The following CNDP1 variants were observed in gnomAD, a reference collection of about 807,000 sequenced individuals.
CNDP1 encodes beta-Ala-His dipeptidase.
CNDP1 carries 44 observed loss-of-function variants against 58.1 expected under a neutral mutation model. The observed-to-expected ratio is 0.76, with a 90% CI of 0.60 to 0.97. The LOEUF (loss-of-function observed/expected upper bound fraction) is 0.97. CNDP1 is among the 50% of genes least tolerant of loss of function. The pLI is 0.00. For missense variants in CNDP1, 616 were observed against 655.1 expected (o/e 0.94, Z 0.65); for synonymous variants, 254 against 252.6 (o/e 1.01, Z -0.05).
At position 74,576,925 on chromosome 18, in the gene CNDP1, G is replaced by T; in HGVS notation, c.898G>T (p.Val300Phe). ...GGTCCCTGGAATCTATGATGAAGTG[G>T]TTCCTCTTACAGAAGAGGAAATAAA... ...ILVPGIYDEVVPLTEEEINTY... is the reference protein window; with the variant it reads ...ILVPGIYDEVFPLTEEEINTY... The change falls in exon 8 of 12, where the codon GTT becomes TTT. Residue 300 changes from valine to phenylalanine, a missense_variant. Transcript: ENST00000358821. The T allele has an allele frequency of 6.2e-7, 1 of 1,612,626 alleles. No homozygotes were observed. The highest frequency in any genetic ancestry group is 8.5e-7 in the Non-Finnish European group (1 of 1,178,974).
At chr18:74,560,195 T>C (rs1981152039) in intron 3 of CNDP1, among the ~76,000 whole-genome samples, 2 of 152,030 alleles carry the variant, frequency 1.3e-5, no homozygotes, top group African/African-American at 4.8e-5. Context: ...TTTGTATTTT[T>C]ATTAGACACA....
intron 5 of CNDP1, among the ~76,000 whole-genome samples, chr18:74,566,434 C>T (rs1981329678): frequency 6.6e-6 from 1 of 152,164 alleles, no homozygotes; most frequent in Non-Finnish European, 1.5e-5. Context: ...AAACTGAATC[C>T]CTTTAACAGT....
chr18:74,563,315 T>G (rs1397654113), intron 5 of CNDP1, among the ~76,000 whole-genome samples: 1 of 152,010 alleles, frequency 6.6e-6, no homozygotes, highest in East Asian at 1.9e-4. Context: ...GCCCTGAGCA[T>G]TCGATGTGGC....
chr18:74,534,784 C>A, intron 1 of CNDP1, 93 bp downstream of exon 1: 1 of 1,464,674 alleles, frequency 6.8e-7, no homozygotes, highest in Non-Finnish European at 9.6e-7. Flanking sequence ...TTGGGCAGGG[C>A]AGGCACCCAG....
rs759234376 is a variant in CNDP1, at chr18:74,567,451, T to G, written c.756+18T>G. ...TGGTGGAGGTATCCACAGAGAGCAG[T>G]GCATGGATGGAGGCCTGTGGGGGTT... On this transcript the variant is annotated intron_variant, in intron 6 of 11. Transcript: ENST00000358821. The G allele has an allele frequency of 2.5e-6, 4 of 1,600,620 alleles. No individual in the cohort carries two copies. Among genetic ancestry groups the G allele is most frequent in the Non-Finnish European group, 3.4e-6 (4 of 1,167,936 alleles).
intron 8 of CNDP1, chr18:74,577,917 C>A (rs1365940160): frequency 1.6e-5 from 6 of 370,538 alleles, no homozygotes; most frequent in Non-Finnish European, 2.9e-5. Flanking sequence ...CTGAAAACTG[C>A]AGATCTTGGG....
At chr18:74,579,198 C>T (rs114460730) in intron 9 of CNDP1, among the ~76,000 whole-genome samples, 20 of 110,358 alleles carry the variant, frequency 1.8e-4, no homozygotes, top group South Asian at 5.6e-4. Flanking sequence ...TCCTTCCCTT[C>T]CCTTGCCTTC....
At chr18:74,577,688 T>C (rs547804964) in intron 8 of CNDP1, 1 of 153,354 alleles carries the variant, frequency 6.5e-6, no homozygotes, top group African/African-American at 2.4e-5. Flanking sequence ...GCAGACCAGC[T>C]CCAGGATGGC....
At chr18:74,553,365 AT>A (rs560491885) in intron 1 of CNDP1, among the ~76,000 whole-genome samples, 74 of 151,102 alleles carry the variant, frequency 4.9e-4, no homozygotes, top group East Asian at 3.3e-3. Flanking sequence ...ATTTACAGCT[AT>A]TTTTTTTTAA....
intron 5 of CNDP1, among the ~76,000 whole-genome samples, chr18:74,566,890 C>T (rs1435193182): frequency 6.6e-6 from 1 of 152,074 alleles, no homozygotes; most frequent in African/African-American, 2.4e-5. Context: ...AAGACATACC[C>T]AAGACTGGGA....
intron 1 of CNDP1, among the ~76,000 whole-genome samples, chr18:74,553,298 G>A (rs1980955556): frequency 6.6e-6 from 1 of 151,972 alleles, no homozygotes; most frequent in Non-Finnish European, 1.5e-5. Context: ...CCAATTTATC[G>A]ATCCTGTCTT....
At chr18:74,582,399 C>A (rs1306060864) in intron 10 of CNDP1, among the ~76,000 whole-genome samples, 1 of 152,180 alleles carries the variant, frequency 6.6e-6, no homozygotes, top group African/African-American at 2.4e-5. Context: ...TTTCTAAAAC[C>A]TACGATAGCA....
chr18:74,536,838 T>C (rs1245832494), intron 1 of CNDP1, among the ~76,000 whole-genome samples: 3 of 152,198 alleles, frequency 2.0e-5, no homozygotes, highest in Non-Finnish European at 4.4e-5. Flanking sequence ...AGTTGTTTGA[T>C]GTGAGATGGT....
At chr18:74,567,490 C>T (rs1981361827) in intron 6 of CNDP1, 57 bp downstream of exon 6, 1 of 1,394,718 alleles carries the variant, frequency 7.2e-7, no homozygotes, top group Non-Finnish European at 1.0e-6. Context: ...AATGGGAGCA[C>T]CAATCCATTC....
chr18:74,568,074 G>A (rs1981376423), intron 6 of CNDP1, among the ~76,000 whole-genome samples: 1 of 152,126 alleles, frequency 6.6e-6, no homozygotes, highest in South Asian at 2.1e-4. Context: ...TCTTTTTCTA[G>A]TAATACAGGC....
At chr18:74,536,605 A>C (rs369269390) in intron 1 of CNDP1, among the ~76,000 whole-genome samples, 2 of 152,178 alleles carry the variant, frequency 1.3e-5, no homozygotes, top group East Asian at 3.8e-4. Flanking sequence ...GTTAACATTC[A>C]CATTCATGTG....
chr18:74,573,021 A>G (rs918404322), intron 7 of CNDP1, among the ~76,000 whole-genome samples: 1 of 152,072 alleles, frequency 6.6e-6, no homozygotes, highest in African/African-American at 2.4e-5. Flanking sequence ...TTTCTCCTTC[A>G]TTCTCCCAAA....
At chr18:74,560,437 G>A (rs1056880412) in intron 3 of CNDP1, among the ~76,000 whole-genome samples, 1 of 152,158 alleles carries the variant, frequency 6.6e-6, no homozygotes, top group African/African-American at 2.4e-5. Flanking sequence ...GCTGGGTGTG[G>A]CATCTCACAC....
chr18:74,565,485 C>T (rs117913769), intron 5 of CNDP1, among the ~76,000 whole-genome samples: 231 of 152,302 alleles, frequency 1.5e-3, no homozygotes, highest in Non-Finnish European at 2.5e-3. Flanking sequence ...AATGTCAGTA[C>T]AGGTGTTGGG....
Sources: gnomAD v4.1 joint callset for allele counts (sites outside exome capture counted in the v4.1 genomes callset) on GRCh38, gnomAD v4.1.1 for gene constraint, MANE v1.5 for transcripts, NCBI Gene and HGNC (gene_info 2026-07-23, HGNC 2026-07-21) for gene names.